Variants in PIK3R1 observed in about 807,000 individuals in gnomAD.
PIK3R1 encodes the protein phosphatidylinositol 3-kinase regulatory subunit alpha.
In PIK3R1, 29 loss-of-function variants were observed where a neutral mutation model predicts 98.0. The observed-to-expected ratio is 0.30, with a 90% confidence interval of 0.22 to 0.40. The LOEUF (loss-of-function observed/expected upper bound fraction) is 0.40. PIK3R1 is among the 10% of genes least tolerant of loss of function. The probability of loss-of-function intolerance (pLI) is 1.00; values close to 1 mark genes in which losing one functional copy is unlikely to be tolerated. For missense variants in PIK3R1, 596 were observed against 872.7 expected, an observed-to-expected ratio of 0.68 and a Z score of 3.99; for synonymous variants, 282 against 311.8, an observed-to-expected ratio of 0.90 and a Z score of 1.01.
rs1046506795 is a variant in PIK3R1 at position 68,280,298 on chromosome 5, G to A, written c.635-230G>A. On this transcript the variant is annotated intron_variant, in intron 5 of 15. Transcript: ENST00000521381. ...TGCCAGCACACCCTGAACAGCTTGT[G>A]GTTTCTTTACACACTGAGCTTTTTG... The A allele has an allele frequency of 1.8e-4, 100 of 557,246 alleles. 1 individual carries two copies. In the East Asian group the frequency reaches 2.8e-3, roughly 16 times the overall value. 34.5% of individuals were successfully genotyped at this position (557,246 alleles called of 1,614,324 possible). A position where few individuals can be genotyped will look rare whatever the true frequency, so the allele number is the denominator to read the frequency against.
intron 7 of PIK3R1, chr5:68,288,704 G>T: frequency 3.7e-6 from 6 of 1,612,306 alleles, no homozygotes; most frequent in Admixed American, 1.7e-5. Flanking sequence ...TTTCATTGTC[G>T]GATACAGGCA....
Position 68,280,658 on chromosome 5 carries a change from C to CA in PIK3R1, c.770dup (p.Asn257LysfsTer10). On this transcript the variant is annotated frameshift_variant, in exon 6 of 16. Transcript: ENST00000521381. LOFTEE classifies it high-confidence loss of function. ...TCTTCAAGCTCTCTCAAACCTCCAG[C>CA]AAAAATCTGTTGAATGCAAGAGTAC... 6.2e-7 allele frequency: 1 copy of CA among 1,614,084 alleles called. No homozygotes were observed. The highest frequency in any genetic ancestry group is 1.1e-5 in the South Asian group (1 of 91,068).
At chr5:68,239,511 T>A (rs1335143893) in intron 2 of PIK3R1, among the ~76,000 whole-genome samples, 1 of 152,232 alleles carries the variant, frequency 6.6e-6, no homozygotes, top group East Asian at 1.9e-4. Flanking sequence ...GACTTGTTAC[T>A]TTTCCTAAGA....
At chr5:68,222,739 G>A (rs532659479) in intron 1 of PIK3R1, among the ~76,000 whole-genome samples, 56 of 152,282 alleles carry the variant, frequency 3.7e-4, no homozygotes, top group African/African-American at 1.3e-3. Flanking sequence ...GTCTGAGAGA[G>A]TTAAAGAGGC....
intron 1 of PIK3R1, among the ~76,000 whole-genome samples, chr5:68,219,457 C>T (rs183672678): frequency 9.5e-4 from 145 of 152,294 alleles, no homozygotes; most frequent in African/African-American, 3.3e-3. Flanking sequence ...CCGGATGTCC[C>T]AGTGTCCCAG....
At chr5:68,227,838 A>G (rs929795194) in intron 2 of PIK3R1, among the ~76,000 whole-genome samples, 3 of 152,166 alleles carry the variant, frequency 2.0e-5, no homozygotes, top group Non-Finnish European at 4.4e-5. Context: ...AGAAAAATTC[A>G]CTGAATACTT....
chr5:68,291,089 CTT>C (rs1364009691), intron 7 of PIK3R1: 1 of 371,870 alleles, frequency 2.7e-6, no homozygotes, highest in Non-Finnish European at 4.9e-6. Flanking sequence ...TCACTGGTGT[CTT>C]TTGTTAATCG....
intron 5 of PIK3R1, 70 bp downstream of exon 5, chr5:68,279,803 G>A: frequency 1.4e-6 from 2 of 1,440,500 alleles, no homozygotes; most frequent in Non-Finnish European, 1.9e-6. Context: ...TATATGTCTT[G>A]CATATATAGA....
chr5:68,297,238 C>T (rs902717334), intron 15 of PIK3R1, among the ~76,000 whole-genome samples, 174 bp from the exon 16 acceptor site: 1 of 152,168 alleles, frequency 6.6e-6, no homozygotes, highest in Non-Finnish European at 1.5e-5. Flanking sequence ...AAAATACAGT[C>T]AGTCAGTGAA....
At chr5:68,216,828 C>T (rs1743902965) in intron 1 of PIK3R1, among the ~76,000 whole-genome samples, 1 of 152,244 alleles carries the variant, frequency 6.6e-6, no homozygotes, top group African/African-American at 2.4e-5. Flanking sequence ...GAACAGAAAA[C>T]CTCTGGCCAG....
intron 2 of PIK3R1, among the ~76,000 whole-genome samples, chr5:68,244,773 C>T (rs1157675425): frequency 6.6e-6 from 1 of 152,024 alleles, no homozygotes; most frequent in Non-Finnish European, 1.5e-5. Context: ...TTGAACTTCT[C>T]AGATCTAATG....
intron 2 of PIK3R1, among the ~76,000 whole-genome samples, chr5:68,234,701 T>C (rs918721556): frequency 6.6e-6 from 1 of 152,142 alleles, no homozygotes; most frequent in African/African-American, 2.4e-5. Flanking sequence ...TTCCTACAGA[T>C]TTGTTTCATA....
intron 2 of PIK3R1, among the ~76,000 whole-genome samples, chr5:68,243,781 T>C (rs1255022193): frequency 6.6e-6 from 1 of 152,240 alleles, no homozygotes; most frequent in African/African-American, 2.4e-5. Context: ...GGGATGCAGA[T>C]TCTGAATAGT....
intron 2 of PIK3R1, among the ~76,000 whole-genome samples, chr5:68,262,405 C>T (rs371306218): frequency 3.2e-4 from 30 of 94,220 alleles, no homozygotes; most frequent in East Asian, 2.0e-3. Context: ...TATATATATA[C>T]ACACACGCAC....
At chr5:68,286,276 G>T (rs1311203038) in intron 7 of PIK3R1, among the ~76,000 whole-genome samples, 1 of 152,160 alleles carries the variant, frequency 6.6e-6, no homozygotes, top group African/African-American at 2.4e-5. Flanking sequence ...AGTGTGTCTA[G>T]GCCTTTGAGG....
chr5:68,246,806 C>A (rs1342395923), intron 2 of PIK3R1, among the ~76,000 whole-genome samples: 2 of 152,070 alleles, frequency 1.3e-5, no homozygotes, highest in Non-Finnish European at 2.9e-5. Context: ...AAAAGATTTC[C>A]AGGACTTCTT....
chr5:68,234,113 T>C (rs1744580540), intron 2 of PIK3R1, among the ~76,000 whole-genome samples: 1 of 152,258 alleles, frequency 6.6e-6, no homozygotes, highest in African/African-American at 2.4e-5. Context: ...ATCTGTGATA[T>C]ATTATTTGAA....
At chr5:68,253,752 T>G (rs1392293145) in intron 2 of PIK3R1, among the ~76,000 whole-genome samples, 1 of 152,220 alleles carries the variant, frequency 6.6e-6, no homozygotes, top group Non-Finnish European at 1.5e-5. Flanking sequence ...CGAAATCTGG[T>G]ACAAGTTAGT....
rs16897559 is a variant in PIK3R1 at position 68,264,341 on chromosome 5, T to G, written c.335-9049T>G. Among the ~76,000 whole-genome samples the G allele has an allele frequency of 6.0e-3, 920 of 152,316 alleles. 14 individuals carry two copies. Among genetic ancestry groups the G allele is most frequent in the African/African-American group, 0.021 (888 of 41,572 alleles). ...CGTAAAGATTTTTTAACCTCACATATGGCATCATGCAGTTTGTCTGCCTAA... is the reference window on the plus strand; with the variant it reads ...CGTAAAGATTTTTTAACCTCACATAGGGCATCATGCAGTTTGTCTGCCTAA... On this transcript the variant is annotated intron_variant, in intron 2 of 15. Transcript: ENST00000521381.
Sources: allele counts gnomAD v4.1 joint callset (sites outside exome capture counted in the v4.1 genomes callset), GRCh38; gene constraint gnomAD v4.1.1; transcripts MANE v1.5; gene names NCBI Gene and HGNC (gene_info 2026-07-23, HGNC 2026-07-21).